The following SAA2 variants were observed in gnomAD, a reference collection of about 807,000 sequenced individuals.
The protein encoded by SAA2 is serum amyloid A2.
A neutral mutation model predicts 9.1 loss-of-function variants in SAA2; 5 were observed. That is an observed-to-expected ratio of 0.55 (90% CI 0.29 to 1.16). The LOEUF is 1.16. Among genes scored for constraint, SAA2 ranks in the 50% most tolerant of loss-of-function variants. The pLI, the probability that SAA2 is intolerant of heterozygous loss-of-function variation, is 0.09. For missense variants in SAA2, 94 were observed against 153.8 expected (o/e 0.61, Z 2.06); for synonymous variants, 49 against 59.8 (o/e 0.82, Z 0.83).
rs1167613401 is a variant in SAA2 at position 18,245,908 on chromosome 11, AC to A, written c.230+1del. ...CCCTAACGTCCCAGGAGCTCCAGTT[AC>A]CTGATCACTTCTGCAGCCCAGGCAC... On this transcript the variant is annotated splice_donor_variant, in intron 3 of 3. Coordinates refer to ENST00000256733, the MANE Select transcript of SAA2 (RefSeq NM_030754.5). LOFTEE classifies it high-confidence loss of function. The A allele has an allele frequency of 1.9e-6, 3 of 1,613,982 alleles. No individual in the cohort carries two copies. In the South Asian group the frequency reaches 3.3e-5, roughly 18 times the overall value.
downstream of SAA2, chr11:18,242,114 A>C (rs1857363366): frequency 6.6e-6 from 1 of 152,202 alleles, no homozygotes; most frequent in South Asian, 2.1e-4. Flanking sequence ...TTCTTGAGAG[A>C]CACAGGACAA....
chr11:18,241,630 T>G (rs1857349233), downstream of SAA2, among the ~76,000 whole-genome samples: 1 of 152,168 alleles, frequency 6.6e-6, no homozygotes. Flanking sequence ...CTAGAGGCCA[T>G]TATCTTAAGT....
At chr11:18,242,926 A>G, downstream of SAA2, 1 of 656,160 alleles carries the variant, frequency 1.5e-6, no homozygotes, top group South Asian at 1.7e-5. Flanking sequence ...AACAGAGAGA[A>G]GCATGTTAAT....
intron 2 of SAA2, among the ~76,000 whole-genome samples, chr11:18,247,232 AG>A (rs1857589260): frequency 6.6e-6 from 1 of 152,216 alleles, no homozygotes; most frequent in South Asian, 2.1e-4. Flanking sequence ...AGAAGGCTGG[AG>A]AAGGAAGAAT....
chr11:18,242,939 T>G, downstream of SAA2: 1 of 633,490 alleles, frequency 1.6e-6, no homozygotes, highest in South Asian at 1.8e-5. Flanking sequence ...ATGTTAATTC[T>G]TACTGAGGAA....
intron 3 of SAA2, chr11:18,240,088 A>C (rs759367294): frequency 4.5e-5 from 62 of 1,365,764 alleles, no homozygotes; most frequent in Non-Finnish European, 6.1e-5. Context: ...ATTATATACT[A>C]TTCTTCATAG....
At chr11:18,246,769 G>A (rs1349992871) in intron 2 of SAA2, among the ~76,000 whole-genome samples, 1 of 152,012 alleles carries the variant, frequency 6.6e-6, no homozygotes, top group Non-Finnish European at 1.5e-5. Flanking sequence ...ATGACCTCAA[G>A]TGATTCATCC....
downstream of SAA2, among the ~76,000 whole-genome samples, chr11:18,244,652 C>T (rs1198396402): frequency 6.6e-6 from 1 of 152,226 alleles, no homozygotes; most frequent in Non-Finnish European, 1.5e-5. Context: ...ATCTGGCTCT[C>T]TCTCCACTGC....
exon 4 of SAA2, chr11:18,239,717 G>T: frequency 2.2e-6 from 1 of 460,300 alleles, no homozygotes; most frequent in South Asian, 6.1e-5. Context: ...AGTCTGTTTT[G>T]CTGTATCCAG....
downstream of SAA2, among the ~76,000 whole-genome samples, chr11:18,243,358 C>T (rs930408244): frequency 1.3e-5 from 2 of 152,070 alleles, no homozygotes; most frequent in Non-Finnish European, 2.9e-5. Flanking sequence ...TCCCTCCTGC[C>T]CCCCAAAATC....
At chr11:18,242,725 A>G (rs927656649), downstream of SAA2, 2 of 696,446 alleles carry the variant, frequency 2.9e-6, no homozygotes, top group African/African-American at 1.8e-5. Context: ...GCACATCTGC[A>G]GTCCCAGTTA....
exon 4 of SAA2, chr11:18,239,676 T>A (rs1857287598): frequency 1.2e-5 from 5 of 423,396 alleles, no homozygotes; most frequent in Non-Finnish European, 2.1e-5. Flanking sequence ...CTTTCCTAGT[T>A]TTCCTCCTTT....
chr11:18,239,810 G>A, exon 4 of SAA2: 1 of 1,048,354 alleles, frequency 9.5e-7, no homozygotes. Context: ...CATGCTGAGG[G>A]AGCTCATCCA....
intron 2 of SAA2, among the ~76,000 whole-genome samples, chr11:18,246,336 G>T (rs1250969704): frequency 6.6e-6 from 1 of 152,140 alleles, no homozygotes; most frequent in Non-Finnish European, 1.5e-5. Context: ...TGAGAAAGGT[G>T]GCAGACACAG....
At chr11:18,245,641 GA>G (rs58546509) in intron 3 of SAA2, 126 bp from the exon 4 acceptor site, 573,669 of 1,407,028 alleles carry the variant, frequency 0.41, 124,848 homozygotes, top group Non-Finnish European at 0.44. Context: ...AAGGAGGAGT[GA>G]AAACACTGAC....
At chr11:18,244,119 C>T (rs957465715), downstream of SAA2, among the ~76,000 whole-genome samples, 26 of 152,228 alleles carry the variant, frequency 1.7e-4, no homozygotes, top group African/African-American at 7.2e-5. Flanking sequence ...TTCTGTGGCA[C>T]CTCAGTAGGA....
In SAA2 at chr11:18,247,938, A is replaced by G; in HGVS notation, c.74T>C (p.Leu25Pro). ...SVSSRSFFSF[L>P]GEAFDGARDM... ...AGCCTTACCATCAAAAGCCTCGCCA[A>G]GGAACGAAAAGAAGCTTCGGCTGCT... The change falls in exon 2 of 4, where the codon CTT becomes CCT. Residue 25 changes from leucine (L) to proline (P), a missense_variant. Transcript: ENST00000256733. 1.2e-6 allele frequency: 2 copies of G among 1,613,892 alleles called. No individual in the cohort carries two copies. The highest frequency in any genetic ancestry group is 1.7e-6 in the Non-Finnish European group (2 of 1,179,866).
downstream of SAA2, among the ~76,000 whole-genome samples, chr11:18,244,696 C>T (rs1281829097): frequency 1.3e-5 from 2 of 152,134 alleles, no homozygotes; most frequent in African/African-American, 4.8e-5. Context: ...AGTTAAGCTC[C>T]AGAAACTCAG....
chr11:18,245,276 T>C lies in SAA2; in HGVS notation c.*101A>G. Reference sequence around the variant, plus strand: ...AAGCATTTATTAGATGCCTATTATATGCCATATCTCAGCTTCTCTGGACAT... The same window carrying C: ...AAGCATTTATTAGATGCCTATTATACGCCATATCTCAGCTTCTCTGGACAT... On this transcript the variant is annotated 3_prime_UTR_variant, in exon 4 of 4. Coordinates refer to ENST00000256733, the MANE Select transcript of SAA2 (RefSeq NM_030754.5). The C allele has an allele frequency of 1.3e-6, 2 of 1,551,056 alleles. No individual in the cohort carries two copies. Among genetic ancestry groups the C allele is most frequent in the Non-Finnish European group, 1.7e-6 (2 of 1,148,322 alleles).
Sources: allele counts gnomAD v4.1 joint callset (sites outside exome capture counted in the v4.1 genomes callset), GRCh38; gene constraint gnomAD v4.1.1; transcripts MANE v1.5; gene names NCBI Gene and HGNC (gene_info 2026-07-23, HGNC 2026-07-21).